DNAH11: variants seen among roughly 807,000 people sequenced by gnomAD.
DNAH11 encodes the protein dynein axonemal heavy chain 11, also known as axonemal beta dynein heavy chain 11.
Under a neutral mutation model 526.0 loss-of-function variants are expected in DNAH11, and 442 were observed. The observed-to-expected ratio is 0.84, with a 90% confidence interval of 0.78 to 0.91. DNAH11 has a LOEUF of 0.91. Ranked by LOEUF, DNAH11 falls within the 40% of genes least tolerant of loss-of-function variation. DNAH11 has a pLI of 0.00. For synonymous variants in DNAH11, 2,461 were observed against 1,935.9 expected, an observed-to-expected ratio of 1.27 and a Z score of -7.12; for missense variants, 6,989 against 5,448.7, an observed-to-expected ratio of 1.28 and a Z score of -8.90.
intron 77 of DNAH11, among the ~76,000 whole-genome samples, 194 bp downstream of exon 77, chr7:21,892,861 CT>C (rs1165900808): frequency 6.6e-6 from 1 of 152,110 alleles, no homozygotes; most frequent in Admixed American, 6.5e-5. Context: ...TACCCCTCAC[CT>C]CCCCCAGAGA....
intron 34 of DNAH11, among the ~76,000 whole-genome samples, chr7:21,690,518 C>T (rs1783571344): frequency 6.6e-6 from 1 of 152,104 alleles, no homozygotes. Flanking sequence ...TTCTAGGATA[C>T]TAAGGCTATG....
intron 2 of DNAH11, among the ~76,000 whole-genome samples, chr7:21,555,018 G>T (rs1783161676): frequency 6.6e-6 from 1 of 152,134 alleles, no homozygotes; most frequent in Non-Finnish European, 1.5e-5. Flanking sequence ...ACATGGAGGG[G>T]GTATGGATGA....
intron 55 of DNAH11, among the ~76,000 whole-genome samples, chr7:21,771,842 C>T (rs140758836): frequency 5.8e-4 from 79 of 136,908 alleles, no homozygotes; most frequent in African/African-American, 1.5e-3. Context: ...TCTCCCCCAA[C>T]GCCCCCCACA....
intron 46 of DNAH11, 139 bp downstream of exon 46, chr7:21,735,983 T>G: frequency 1.2e-6 from 1 of 829,724 alleles, no homozygotes; most frequent in Non-Finnish European, 1.8e-6. Context: ...GTACTTATCA[T>G]CCTTGTTAAA....
intron 25 of DNAH11, among the ~76,000 whole-genome samples, chr7:21,620,879 A>G (rs1477527727): frequency 6.6e-6 from 1 of 151,684 alleles, no homozygotes; most frequent in African/African-American, 2.4e-5. Context: ...CCATGTCCCT[A>G]CAAAGGACAT....
At chr7:21,694,672 G>A (rs187035493) in intron 35 of DNAH11, among the ~76,000 whole-genome samples, 92 of 152,188 alleles carry the variant, frequency 6.0e-4, no homozygotes, top group Admixed American at 4.5e-3. Flanking sequence ...ATGTGTATAC[G>A]TCTTTATAGT....
intron 53 of DNAH11, 131 bp from the exon 54 acceptor site, chr7:21,750,091 A>G: frequency 4.0e-6 from 5 of 1,236,214 alleles, no homozygotes; most frequent in Non-Finnish European, 1.1e-6. Flanking sequence ...AAGAAACATG[A>G]CGTTTCTGAT....
chr7:21,763,140 GAC>G (rs1429554910), intron 54 of DNAH11, among the ~76,000 whole-genome samples: 6 of 151,966 alleles, frequency 3.9e-5, no homozygotes, highest in African/African-American at 1.5e-4. Flanking sequence ...TCAGGAGTTT[GAC>G]ACCAGCCTGG....
rs577593415 is a variant in DNAH11, at chr7:21,825,634, T to C, written c.10691+7295T>C. Among the ~76,000 whole-genome samples, 4 of 152,226 alleles carry C rather than the reference T, an allele frequency of 2.6e-5. No individual in the cohort carries two copies. In the East Asian group the frequency reaches 7.7e-4, roughly 29 times the overall value. On this transcript the variant is annotated intron_variant, in intron 65 of 81. Transcript: ENST00000409508. Reference sequence around the variant, plus strand: ...CTGCCTCCTTTTTTTTTTTCCCACTTTTATTTTTGAATGAACAAATTGAGG... The same window carrying C: ...CTGCCTCCTTTTTTTTTTTCCCACTCTTATTTTTGAATGAACAAATTGAGG...
In DNAH11 at chr7:21,746,826, A is replaced by T. The variant is rs1227181996; in HGVS notation, c.8511-1754A>T. On this transcript the variant is annotated intron_variant, in intron 51 of 81. Transcript: ENST00000409508. ...AAGGAAGTTTCAGTTGGAATCTAAA[A>T]CCATGGTGTTAAATCAACTATTAGT... Among the ~76,000 whole-genome samples, 5 of 151,970 alleles carry T rather than the reference A, an allele frequency of 3.3e-5. No individual in the cohort carries two copies. The South Asian group carries it at 1.0e-3, about 32-fold the overall frequency.
intron 25 of DNAH11, among the ~76,000 whole-genome samples, chr7:21,634,614 G>T (rs1473493192): frequency 6.6e-6 from 1 of 152,126 alleles, no homozygotes; most frequent in Non-Finnish European, 1.5e-5. Context: ...TAAACATTGA[G>T]TCCCCTTGGA....
chr7:21,737,885 C>T (rs1451241359), intron 46 of DNAH11, among the ~76,000 whole-genome samples: 1 of 152,048 alleles, frequency 6.6e-6, no homozygotes, highest in African/African-American at 2.4e-5. Flanking sequence ...GAATTAATGC[C>T]CAGCAAGTGT....
chr7:21,785,824 G>A (rs1358403298), intron 58 of DNAH11, among the ~76,000 whole-genome samples: 3 of 152,114 alleles, frequency 2.0e-5, no homozygotes, highest in African/African-American at 7.2e-5. Flanking sequence ...CAAATAAATA[G>A]GCAGCTTCTG....
chr7:21,895,579 G>A (rs1187583466), intron 79 of DNAH11, among the ~76,000 whole-genome samples: 1 of 152,164 alleles, frequency 6.6e-6, no homozygotes, highest in Non-Finnish European at 1.5e-5. Flanking sequence ...AAGCAATTCA[G>A]GAAGTTTCAC....
Position 21,807,926 on chromosome 7 carries a change from A to C in DNAH11, c.10209A>C (p.Gln3403His). ...AATCCATTAAGTCCTTTGAAGCTCA[A>C]GAGAAGACACTCTGTGGAGATGTTC... ...WGQSIKSFEA[Q>H]EKTLCGDVLL... The change falls in exon 63 of 82, where the codon CAA becomes CAC. Residue 3403 changes from glutamine (Q) to histidine (H), a missense_variant. Transcript: ENST00000409508. The C allele has an allele frequency of 6.2e-7, 1 of 1,609,038 alleles. No individual in the cohort carries two copies. Among genetic ancestry groups the C allele is most frequent in the African/African-American group, 1.3e-5 (1 of 74,998 alleles).
chr7:21,598,266 C>T (rs560124881), intron 14 of DNAH11, among the ~76,000 whole-genome samples: 21 of 152,250 alleles, frequency 1.4e-4, no homozygotes, highest in African/African-American at 3.9e-4. Context: ...GGGTATCTGC[C>T]GTCTGGTCTG....
intron 77 of DNAH11, 52 bp from the exon 78 acceptor site, chr7:21,894,571 A>T: frequency 5.7e-6 from 9 of 1,575,976 alleles, no homozygotes; most frequent in Non-Finnish European, 7.8e-6. Context: ...CACAGTCACC[A>T]TGACGAAAAC....
chr7:21,802,682 C>G (rs1324576949), intron 62 of DNAH11, among the ~76,000 whole-genome samples: 1 of 151,886 alleles, frequency 6.6e-6, no homozygotes, highest in Non-Finnish European at 1.5e-5. Flanking sequence ...TTGAAAATAT[C>G]ATGCTAAAAG....
chr7:21,865,601 C>T (rs1302080534), intron 70 of DNAH11, among the ~76,000 whole-genome samples: 6 of 152,232 alleles, frequency 3.9e-5, no homozygotes, highest in East Asian at 1.9e-4. Context: ...TGGCCTGTGG[C>T]AGAGAAACAT....
Sources: allele counts gnomAD v4.1 joint callset (sites outside exome capture counted in the v4.1 genomes callset), GRCh38; gene constraint gnomAD v4.1.1; transcripts MANE v1.5; gene names NCBI Gene and HGNC (gene_info 2026-07-23, HGNC 2026-07-21).